The following UBE2Z variants were observed in gnomAD, a reference collection of about 807,000 sequenced individuals.
The protein encoded by UBE2Z is ubiquitin-conjugating enzyme E2 Z.
UBE2Z carries 10 observed loss-of-function variants against 32.6 expected under a neutral mutation model. That is an observed-to-expected ratio of 0.31 (90% CI 0.19 to 0.52). The LOEUF (loss-of-function observed/expected upper bound fraction) is 0.52, where lower values mean the gene tolerates loss of function less well. Ranked by LOEUF, UBE2Z falls within the 20% of genes least tolerant of loss-of-function variation. The pLI is 0.97. For synonymous variants in UBE2Z, 183 were observed against 190.8 expected, an observed-to-expected ratio of 0.96 and a Z score of 0.34; for missense variants, 343 against 480.9, an observed-to-expected ratio of 0.71 and a Z score of 2.68.
intron 4 of UBE2Z, among the ~76,000 whole-genome samples, chr17:48,916,586 T>TTTTG (rs2040721783): frequency 1.3e-5 from 2 of 148,930 alleles, no homozygotes; most frequent in Non-Finnish European, 3.0e-5. Context: ...TGGGAGGTTT[T>TTTTG]TTTTGTTTTG....
intron 5 of UBE2Z, among the ~76,000 whole-genome samples, chr17:48,922,074 G>T (rs1276363083): frequency 2.6e-5 from 4 of 152,128 alleles, no homozygotes; most frequent in Non-Finnish European, 4.4e-5. Flanking sequence ...CATAATTCCT[G>T]ATGTGTAGGG....
intron 4 of UBE2Z, 64 bp downstream of exon 4, chr17:48,916,251 TTTTTTTG>T: frequency 1.3e-6 from 1 of 755,814 alleles, no homozygotes; most frequent in Non-Finnish European, 1.9e-6. Context: ...GGTTGGTTGG[TTTTTTTG>T]TTTTTTTTTT....
intron 1 of UBE2Z, among the ~76,000 whole-genome samples, chr17:48,909,171 C>T (rs1464208316): frequency 6.7e-6 from 1 of 148,192 alleles, no homozygotes; most frequent in Admixed American, 6.7e-5. Flanking sequence ...CCGCCTTCGG[C>T]GCCGCCCCTA....
At chr17:48,912,778 G>C in intron 2 of UBE2Z, 56 bp from the exon 3 acceptor site, 1 of 1,597,248 alleles carries the variant, frequency 6.3e-7, no homozygotes, top group Non-Finnish European at 8.6e-7. Flanking sequence ...GGGTAGCCAG[G>C]AGGGCTTGGG....
At chr17:48,916,258 G>GTTTTTTTTTTTTTTTTTTT (rs371253123) in intron 4 of UBE2Z, 71 bp downstream of exon 4, 41 of 418,952 alleles carry the variant, frequency 9.8e-5, no homozygotes, top group Non-Finnish European at 1.1e-4. Context: ...TGGTTTTTTT[G>GTTTTTTTTTTTTTTTTTTT]TTTTTTTTTT....
At chr17:48,914,115 C>T (rs1230135326) in intron 3 of UBE2Z, among the ~76,000 whole-genome samples, 2 of 152,142 alleles carry the variant, frequency 1.3e-5, no homozygotes, top group Non-Finnish European at 2.9e-5. Context: ...AGTGCATCTT[C>T]TTTCTGGATG....
rs1276366981 is a variant in UBE2Z, at chr17:48,928,661, G to C, written c.*1527G>C. On this transcript the variant is annotated 3_prime_UTR_variant, in exon 7 of 7. Transcript: ENST00000360943. ...GGGCAGGAAGCAAAGGAACTGGACAGGGATTGGTGGGCTTGGGGAACGGAA... is the reference window on the plus strand; with the variant it reads ...GGGCAGGAAGCAAAGGAACTGGACACGGATTGGTGGGCTTGGGGAACGGAA... 6.5e-6 allele frequency: 1 copy of C among 152,784 alleles called. No individual in the cohort carries two copies. Among genetic ancestry groups the C allele is most frequent in the African/African-American group, 2.4e-5 (1 of 41,460 alleles). 9.5% of individuals were successfully genotyped at this position (152,784 alleles called of 1,614,324 possible).
intron 6 of UBE2Z, among the ~76,000 whole-genome samples, chr17:48,926,572 C>T (rs1238228432): frequency 2.0e-5 from 3 of 151,608 alleles, no homozygotes; most frequent in African/African-American, 2.4e-5. Context: ...ACCTCCGCCT[C>T]CCGGGTTCAA....
At chr17:48,921,608 A>T (rs1567779818) in intron 5 of UBE2Z, among the ~76,000 whole-genome samples, 2 of 152,198 alleles carry the variant, frequency 1.3e-5, no homozygotes, top group East Asian at 3.8e-4. Flanking sequence ...TAAGTGCCAA[A>T]ACTGGATGAG....
At chr17:48,913,807 T>G (rs908390148) in intron 3 of UBE2Z, among the ~76,000 whole-genome samples, 7 of 152,186 alleles carry the variant, frequency 4.6e-5, no homozygotes, top group Non-Finnish European at 8.8e-5. Flanking sequence ...TGTCTTAATT[T>G]GAGTCTTGCA....
At chr17:48,909,701 A>G (rs371275267) in intron 1 of UBE2Z, among the ~76,000 whole-genome samples, 8 of 152,138 alleles carry the variant, frequency 5.3e-5, no homozygotes, top group East Asian at 1.9e-4. Context: ...CCAGAAGCAC[A>G]TAGAATAGTA....
chr17:48,923,274 T>G (rs989659414), intron 6 of UBE2Z, among the ~76,000 whole-genome samples: 12 of 132,572 alleles, frequency 9.1e-5, no homozygotes, highest in Non-Finnish European at 1.7e-4. Context: ...TGAGCTGAAA[T>G]TGTGCCACTG....
At chr17:48,921,073 C>A in intron 4 of UBE2Z, 87 bp from the exon 5 acceptor site, 1 of 1,043,942 alleles carries the variant, frequency 9.6e-7, no homozygotes, top group Non-Finnish European at 1.4e-6. Context: ...GACTGGCTGA[C>A]ATACCCCATA....
chr17:48,912,630 C>T, intron 2 of UBE2Z: 1 of 552,504 alleles, frequency 1.8e-6, no homozygotes, highest in Non-Finnish European at 3.2e-6. Flanking sequence ...AGATGTCATT[C>T]CACTGTAATG....
chr17:48,916,279 A>T (rs1264120771), intron 4 of UBE2Z, 92 bp downstream of exon 4: 93 of 446,420 alleles, frequency 2.1e-4, no homozygotes, highest in Non-Finnish European at 2.1e-4. Context: ...TTTTTGAGAC[A>T]GAGTCTTCCT....
At chr17:48,912,081 A>G (rs918975118) in intron 2 of UBE2Z, 2 of 140,100 alleles carry the variant, frequency 1.4e-5, no homozygotes, top group African/African-American at 5.3e-5. Context: ...TTTTTTAAAC[A>G]GTATTGGGGA....
In UBE2Z at chr17:48,910,788, C is replaced by G. The variant is rs374365881; in HGVS notation, c.318-20C>G. On this transcript the variant is annotated intron_variant, in intron 1 of 6. Coordinates refer to ENST00000360943, the MANE Select transcript of UBE2Z (RefSeq NM_023079.5). ...CCCTCTTCCTCACTCCTTCCCCCAC[C>G]TCCTCTTGGTGTTATACAGGGATAT... 1.9e-6 allele frequency: 3 copies of G among 1,596,810 alleles called. No homozygotes were observed.
intron 1 of UBE2Z, 189 bp downstream of exon 1, chr17:48,909,009 G>A (rs1427806307): frequency 9.2e-6 from 2 of 217,252 alleles, no homozygotes; most frequent in African/African-American, 5.7e-5. Flanking sequence ...CCTCAGACCC[G>A]CAAGCACCAA....
At chr17:48,919,232 C>T (rs1357220413) in intron 4 of UBE2Z, among the ~76,000 whole-genome samples, 1 of 152,080 alleles carries the variant, frequency 6.6e-6, no homozygotes, top group African/African-American at 2.4e-5. Context: ...GATCCACCTG[C>T]CTCGGCCTCC....
Sources: gnomAD v4.1 joint callset for allele counts (sites outside exome capture counted in the v4.1 genomes callset) on GRCh38, gnomAD v4.1.1 for gene constraint, MANE v1.5 for transcripts, NCBI Gene and HGNC (gene_info 2026-07-23, HGNC 2026-07-21) for gene names.